Variants in SLC5A4 observed in about 807,000 individuals in gnomAD.
SLC5A4 encodes the protein solute carrier family 5 member 4.
A neutral mutation model predicts 70.3 loss-of-function variants in SLC5A4; 55 were observed. The ratio of observed to expected loss-of-function variants is 0.78; its 90% CI spans 0.63 to 0.98. SLC5A4 has a LOEUF of 0.98. Among genes scored for constraint, SLC5A4 ranks in the 50% least tolerant of loss-of-function variants. The pLI, the probability that SLC5A4 is intolerant of heterozygous loss-of-function variation, is 0.00. For missense variants in SLC5A4, 735 were observed against 839.2 expected, an observed-to-expected ratio of 0.88 and a Z score of 1.53; for synonymous variants, 268 against 305.7, an observed-to-expected ratio of 0.88 and a Z score of 1.29.
At chr22:32,313,998 A>G in the SLC5A4 span, among the ~76,000 whole-genome samples, 1 of 152,220 alleles carries the variant, frequency 6.6e-6, no homozygotes, top group African/African-American at 2.4e-5. Flanking sequence ...CTTAACTGAT[A>G]AACCATCTTC....
the SLC5A4 span, among the ~76,000 whole-genome samples, chr22:32,300,238 G>A: frequency 6.6e-6 from 1 of 151,354 alleles, no homozygotes; most frequent in Non-Finnish European, 1.5e-5. Context: ...GCAATGGGGG[G>A]CGCCCCTCCC....
chr22:32,322,288 G>A, the SLC5A4 span, among the ~76,000 whole-genome samples: 1 of 152,184 alleles, frequency 6.6e-6, no homozygotes, highest in African/African-American at 2.4e-5. Flanking sequence ...GTGGCCACAT[G>A]GTAGAAATGG....
At chr22:32,329,407 C>T in the SLC5A4 span, among the ~76,000 whole-genome samples, 22 of 152,188 alleles carry the variant, frequency 1.4e-4, no homozygotes, top group African/African-American at 5.1e-4. Context: ...ACATTCACAG[C>T]GGGGCCGCGG....
At chr22:32,329,506 TGGGGGTGTGTGTGTGTTTCTTGG>T in the SLC5A4 span, among the ~76,000 whole-genome samples, 2 of 132,970 alleles carry the variant, frequency 1.5e-5, no homozygotes, top group Non-Finnish European at 3.2e-5. Context: ...GACGAGGCAG[TGGGGGTGTGTGTGTGTTTCTTGG>T]GGGGGCTCTG....
the SLC5A4 span, among the ~76,000 whole-genome samples, chr22:32,324,522 C>G: frequency 6.6e-6 from 1 of 152,154 alleles, no homozygotes; most frequent in Non-Finnish European, 1.5e-5. Context: ...GAACACCCTC[C>G]CCTATCTCCA....
chr22:32,310,646 G>A, the SLC5A4 span, among the ~76,000 whole-genome samples: 1 of 152,212 alleles, frequency 6.6e-6, no homozygotes, highest in Non-Finnish European at 1.5e-5. Context: ...ACTGCCTGGA[G>A]GAGACAGCTG....
chr22:32,250,100 G>A (rs1927055724), intron 3 of SLC5A4, among the ~76,000 whole-genome samples: 1 of 152,176 alleles, frequency 6.6e-6, no homozygotes, highest in Non-Finnish European at 1.5e-5. Flanking sequence ...TGAACATAGG[G>A]ATTGAGGCAT....
chr22:32,224,598 C>A, intron 12 of SLC5A4, 116 bp from the exon 13 acceptor site: 2 of 783,514 alleles, frequency 2.6e-6, no homozygotes, highest in Non-Finnish European at 4.1e-6. Context: ...AAATGGCTAA[C>A]CTTGGGCACA....
chr22:32,307,227 CTT>C, the SLC5A4 span, among the ~76,000 whole-genome samples: 1 of 152,176 alleles, frequency 6.6e-6, no homozygotes, highest in African/African-American at 2.4e-5. Flanking sequence ...TCTGTCAGGG[CTT>C]TGATGTGAAG....
rs1925853110 is a variant in SLC5A4, at chr22:32,233,028, C to A, written c.892G>T (p.Val298Leu). ...LWYWCTNQVI[V>L]QRCLCGKDMS... Reference sequence around the variant, plus strand: ...TCCTTGCCACACAGGCAGCGCTGCACAATGACCTGCCGGGAGAACGTGACA... The same window carrying A: ...TCCTTGCCACACAGGCAGCGCTGCAAAATGACCTGCCGGGAGAACGTGACA... Residue 298 changes from valine to leucine, a missense_variant, in exon 9 of 15, where the codon GTG (valine) becomes TTG (leucine). Coordinates refer to ENST00000266086, the MANE Select transcript of SLC5A4 (RefSeq NM_014227.3). 6.8e-6 allele frequency: 11 copies of A among 1,613,012 alleles called. No homozygotes were observed. Among genetic ancestry groups the A allele is most frequent in the Non-Finnish European group, 8.5e-6 (10 of 1,179,522 alleles).
chr22:32,276,024 A>G, the SLC5A4 span, among the ~76,000 whole-genome samples: 1 of 152,206 alleles, frequency 6.6e-6, no homozygotes, highest in African/African-American at 2.4e-5. Flanking sequence ...TCTTTTGAGA[A>G]GTGTCTGTTC....
At chr22:32,300,175 A>C in the SLC5A4 span, among the ~76,000 whole-genome samples, 11 of 152,138 alleles carry the variant, frequency 7.2e-5, no homozygotes, top group Non-Finnish European at 1.2e-4. Flanking sequence ...AGCTGTGGTG[A>C]GCTCCACCCA....
chr22:32,333,668 G>A, the SLC5A4 span, among the ~76,000 whole-genome samples: 12 of 152,034 alleles, frequency 7.9e-5, no homozygotes, highest in South Asian at 1.5e-3. Flanking sequence ...TTCCTGGCCC[G>A]CCCCTGATGC....
the SLC5A4 span, among the ~76,000 whole-genome samples, chr22:32,332,256 GCA>G: frequency 5.9e-5 from 9 of 152,324 alleles, no homozygotes; most frequent in East Asian, 1.9e-4. Context: ...CCATGGCCCT[GCA>G]CAGTCAGACC....
chr22:32,347,936 G>A, the SLC5A4 span, among the ~76,000 whole-genome samples: 31,617 of 151,744 alleles, frequency 0.21, 3,723 homozygotes, highest in East Asian at 0.48. Context: ...ATTAAAAAAC[G>A]GTTCAATTTA....
chr22:32,300,295 G>C, the SLC5A4 span, among the ~76,000 whole-genome samples: 3 of 42,736 alleles, frequency 7.0e-5, no homozygotes, highest in Admixed American at 7.8e-4. Flanking sequence ...TGCTGTGCTA[G>C]CTAGCAATCA....
the SLC5A4 span, among the ~76,000 whole-genome samples, chr22:32,266,673 C>T: frequency 6.6e-6 from 1 of 152,176 alleles, no homozygotes; most frequent in African/African-American, 2.4e-5. Flanking sequence ...AGTCCAATAC[C>T]TGTGCATAAC....
the SLC5A4 span, among the ~76,000 whole-genome samples, chr22:32,312,230 C>G: frequency 2.6e-5 from 4 of 152,256 alleles, no homozygotes; most frequent in South Asian, 8.3e-4. Context: ...TAGCAAGAAG[C>G]TTGCAGCCTG....
chr22:32,265,496 A>C, the SLC5A4 span, among the ~76,000 whole-genome samples: 1 of 152,232 alleles, frequency 6.6e-6, no homozygotes, highest in African/African-American at 2.4e-5. Flanking sequence ...GAAGGAAACC[A>C]GATTGATTAA....
Sources: gnomAD v4.1 joint callset for allele counts (sites outside exome capture counted in the v4.1 genomes callset) on GRCh38, gnomAD v4.1.1 for gene constraint, MANE v1.5 for transcripts, NCBI Gene and HGNC (gene_info 2026-07-23, HGNC 2026-07-21) for gene names.